The following OPRD1 variants were observed in gnomAD, a reference collection of about 807,000 sequenced individuals.
The protein encoded by OPRD1 is opioid receptor delta 1.
OPRD1 carries 19 observed loss-of-function variants against 17.5 expected under a neutral mutation model. The observed-to-expected ratio is 1.09, with a 90% CI of 0.76 to 1.60. The LOEUF (loss-of-function observed/expected upper bound fraction) is 1.60, where lower values mean the gene tolerates loss of function less well. OPRD1 is among the 40% of genes most tolerant of loss of function. The pLI is 0.00. For synonymous variants in OPRD1, 256 were observed against 240.9 expected (o/e 1.06, Z -0.58); for missense variants, 483 against 547.2 (o/e 0.88, Z 1.17).
At chr1:28,854,501 G>A (rs1001276936) in intron 1 of OPRD1, among the ~76,000 whole-genome samples, 3 of 151,672 alleles carry the variant, frequency 2.0e-5, no homozygotes, top group Admixed American at 6.6e-5. Context: ...GATTACAGGC[G>A]TGAGCCACCA....
At chr1:28,816,426 A>G (rs1388975956) in intron 1 of OPRD1, among the ~76,000 whole-genome samples, 1 of 152,136 alleles carries the variant, frequency 6.6e-6, no homozygotes, top group Non-Finnish European at 1.5e-5. Flanking sequence ...GGGAAGCAGG[A>G]TGCTGATGAG....
At position 28,862,987 on chromosome 1, in the gene OPRD1, G is replaced by A. The variant is rs771572838; in HGVS notation, c.823G>A (p.Ala275Thr). ...TGTGGGCGCCTTCGTGGTGTGTTGG[G>A]CGCCCATCCACATCTTCGTCATCGT... ...VVVGAFVVCW[A>T]PIHIFVIVWT... The change falls in exon 3 of 3, where the codon GCG becomes ACG. Residue 275 changes from alanine (A) to threonine (T), a missense_variant. Coordinates refer to ENST00000234961, the MANE Select transcript of OPRD1 (RefSeq NM_000911.4). 8.1e-6 allele frequency: 13 copies of A among 1,610,594 alleles called. No homozygotes were observed. Among genetic ancestry groups the A allele is most frequent in the South Asian group, 4.4e-5 (4 of 90,730 alleles).
At chr1:28,850,159 C>T (rs1164719106) in intron 1 of OPRD1, among the ~76,000 whole-genome samples, 1 of 152,002 alleles carries the variant, frequency 6.6e-6, no homozygotes, top group Non-Finnish European at 1.5e-5. Context: ...GGATTACAGG[C>T]TTGAGCCACG....
At chr1:28,815,694 C>T (rs1048846972) in intron 1 of OPRD1, among the ~76,000 whole-genome samples, 3 of 152,188 alleles carry the variant, frequency 2.0e-5, no homozygotes, top group Admixed American at 6.5e-5. Flanking sequence ...GCTCCATCTG[C>T]GGTTTCCTGG....
rs189369551 is a variant in OPRD1 at position 28,838,552 on chromosome 1, G to A, written c.228-20402G>A. Among the ~76,000 whole-genome samples, 48 of 152,216 alleles carry A rather than the reference G, an allele frequency of 3.2e-4. 1 individual carries two copies. Among genetic ancestry groups the A allele is most frequent in the Middle Eastern group, 3.4e-3 (1 of 294 alleles). The stretch of plus-strand genomic sequence containing the variant: ...ACAGGGCTCTGTGTCTCACCCCCAT[G>A]GTGGCAGGTTACCAAGAGCCAGCAG... On this transcript the variant is annotated intron_variant, in intron 1 of 2. Coordinates refer to ENST00000234961, the MANE Select transcript of OPRD1 (RefSeq NM_000911.4).
rs1232310343 is a variant in OPRD1 at position 28,854,389 on chromosome 1, A to G, written c.228-4565A>G. ...CTATAGGCACACTCCACCATGCCCA[A>G]CTAATTTTTTTTTTTTGAGACAGTG... On this transcript the variant is annotated intron_variant, in intron 1 of 2. Coordinates refer to ENST00000234961, the MANE Select transcript of OPRD1 (RefSeq NM_000911.4). 8.0e-5 allele frequency among the ~76,000 whole-genome samples: 12 copies of G among 150,488 alleles called. No individual in the cohort carries two copies. In the South Asian group the frequency reaches 1.9e-3, roughly 24 times the overall value.
At position 28,865,915 on chromosome 1, in the gene OPRD1, G is replaced by A. The variant is rs1006277369; in HGVS notation, c.*2632G>A. ...AGGACCTGTGTCCCCTCCCAGGATA[G>A]GCCTGTTTCAAGGCTGCTTGAAGCC... is the stretch of plus-strand genomic sequence containing the variant. On this transcript the variant is annotated 3_prime_UTR_variant, in exon 3 of 3. Transcript: ENST00000234961. 66 of 152,246 alleles carry A rather than the reference G, an allele frequency of 4.3e-4. No individual in the cohort carries two copies. The highest frequency in any genetic ancestry group is 1.6e-3 in the African/African-American group (65 of 41,458). The allele number at this position is 152,246 out of a possible 1,614,324, so 9.4% of individuals were successfully genotyped here. A position where few individuals can be genotyped will look rare whatever the true frequency, so the allele number is the denominator to read the frequency against.
intron 1 of OPRD1, among the ~76,000 whole-genome samples, chr1:28,852,370 C>A (rs1035238232): frequency 6.6e-6 from 1 of 151,950 alleles, no homozygotes; most frequent in Non-Finnish European, 1.5e-5. Context: ...AGAAAATTGG[C>A]GCAATTATTA....
At chr1:28,820,849 C>G (rs2088706964) in intron 1 of OPRD1, among the ~76,000 whole-genome samples, 1 of 151,942 alleles carries the variant, frequency 6.6e-6, no homozygotes, top group Non-Finnish European at 1.5e-5. Flanking sequence ...ATCTGCCCGC[C>G]TCTGGCCTCC....
chr1:28,826,205 T>G (rs1446621444), intron 1 of OPRD1, among the ~76,000 whole-genome samples: 1 of 152,160 alleles, frequency 6.6e-6, no homozygotes, highest in Non-Finnish European at 1.5e-5. Context: ...GTCACACACA[T>G]TTTTTGGTTT....
chr1:28,857,254 A>AT (rs2089064532), intron 1 of OPRD1, among the ~76,000 whole-genome samples: 1 of 152,066 alleles, frequency 6.6e-6, no homozygotes, highest in Admixed American at 6.6e-5. Context: ...CAGCCATCCT[A>AT]AGAGGTTGCT....
rs2089214953 is a variant in OPRD1, at chr1:28,871,259, G to T, written c.*7976G>T. On this transcript the variant is annotated 3_prime_UTR_variant, in exon 3 of 3. Coordinates refer to ENST00000234961, the MANE Select transcript of OPRD1 (RefSeq NM_000911.4). ...CTCAATAAAGTGAGCCCTCTTCTCGGTGTCTGCATCTCTGGCTGTTTTGTT... is the reference window on the plus strand; with the variant it reads ...CTCAATAAAGTGAGCCCTCTTCTCGTTGTCTGCATCTCTGGCTGTTTTGTT... 6.6e-6 allele frequency: 1 copy of T among 152,242 alleles called. No homozygotes were observed. The highest frequency in any genetic ancestry group is 3.4e-3 in the Middle Eastern group (1 of 294). The allele number at this position is 152,242 out of a possible 1,614,324, so 9.4% of individuals were successfully genotyped here. A position where few individuals can be genotyped will look rare whatever the true frequency, so the allele number is the denominator to read the frequency against.
rs2089139445 is a variant in OPRD1, at chr1:28,863,027, A to ACATCGACCGGCGCGACCCGCTGGTGGT, written c.864_890dup (p.Ile289_Val297dup). 1 of 1,607,516 alleles carries ACATCGACCGGCGCGACCCGCTGGTGGT rather than the reference A, an allele frequency of 6.2e-7. No individual in the cohort carries two copies. Among genetic ancestry groups the ACATCGACCGGCGCGACCCGCTGGTGGT allele is most frequent in the South Asian group, 1.1e-5 (1 of 90,324 alleles). ...TTCGTCATCGTCTGGACGCTGGTGG[A>ACATCGACCGGCGCGACCCGCTGGTGGT]CATCGACCGGCGCGACCCGCTGGTG... On this transcript the variant is annotated inframe_insertion, in exon 3 of 3. Coordinates refer to ENST00000234961, the MANE Select transcript of OPRD1 (RefSeq NM_000911.4).
chr1:28,822,345 C>T (rs957521340), intron 1 of OPRD1, among the ~76,000 whole-genome samples: 1 of 152,052 alleles, frequency 6.6e-6, no homozygotes, highest in African/African-American at 2.4e-5. Context: ...CACTGAAGTG[C>T]GCAAGTAGAC....
chr1:28,812,362 G>A lies in OPRD1; in HGVS notation c.-22G>A. 1 of 1,356,182 alleles carries A rather than the reference G, an allele frequency of 7.4e-7. No individual in the cohort carries two copies. The highest frequency in any genetic ancestry group is 9.4e-7 in the Non-Finnish European group (1 of 1,060,878). The allele number at this position is 1,356,182 out of a possible 1,614,324, so 84.0% of individuals were successfully genotyped here. On this transcript the variant is annotated 5_prime_UTR_variant, in exon 1 of 3. Transcript: ENST00000234961. ...CCCAGGGCGCACGGTGGAGAGGGAC[G>A]CGGCGGAGCCGGCCGGCAGCCATGG...
intron 1 of OPRD1, among the ~76,000 whole-genome samples, chr1:28,857,986 T>A (rs1301119491): frequency 6.6e-6 from 1 of 151,198 alleles, no homozygotes; most frequent in Non-Finnish European, 1.5e-5. Flanking sequence ...AGAGACAGGG[T>A]TTCACCATGT....
rs188305502 is a variant in OPRD1 at position 28,830,116 on chromosome 1, T to A, written c.227+17506T>A. ...AGAGGCCTGAGGAGAGGGAGAGAGA[T>A]GGGGCAATGGCCAGTCAGTGGAGCG... On this transcript the variant is annotated intron_variant, in intron 1 of 2. Transcript: ENST00000234961. Among the ~76,000 whole-genome samples the A allele has an allele frequency of 1.9e-3, 286 of 152,148 alleles. 1 individual carries two copies. Among genetic ancestry groups the A allele is most frequent in the African/African-American group, 5.4e-3 (223 of 41,512 alleles).
chr1:28,854,959 C>CT (rs990505285), intron 1 of OPRD1, among the ~76,000 whole-genome samples: 1 of 152,160 alleles, frequency 6.6e-6, no homozygotes, highest in Non-Finnish European at 1.5e-5. Flanking sequence ...TGAGAGCCTG[C>CT]TTTTTTGCCG....
chr1:28,826,582 A>C (rs389531), intron 1 of OPRD1, among the ~76,000 whole-genome samples: 4,614 of 152,292 alleles, frequency 0.03, 219 homozygotes, highest in African/African-American at 0.1. Flanking sequence ...ATTATGTCTA[A>C]AGAAAAATAT....
Sources: allele counts gnomAD v4.1 joint callset (sites outside exome capture counted in the v4.1 genomes callset), GRCh38; gene constraint gnomAD v4.1.1; transcripts MANE v1.5; gene names NCBI Gene and HGNC (gene_info 2026-07-23, HGNC 2026-07-21).